Variants in CNBD2 observed in about 807,000 individuals in gnomAD.
CNBD2 encodes the protein cyclic nucleotide binding domain containing 2.
CNBD2 carries 64 observed loss-of-function variants against 63.7 expected under a neutral mutation model. That is an observed-to-expected ratio of 1.00 (90% confidence interval 0.82 to 1.24). The LOEUF (loss-of-function observed/expected upper bound fraction) is 1.24, where lower values mean the gene tolerates loss of function less well. CNBD2 is among the 50% of genes most tolerant of loss of function. The probability of loss-of-function intolerance (pLI) is 0.00; values close to 1 mark genes in which losing one functional copy is unlikely to be tolerated. For synonymous variants in CNBD2, 229 were observed against 255.4 expected (o/e 0.90, Z 0.99); for missense variants, 691 against 713.5 (o/e 0.97, Z 0.36).
intron 7 of CNBD2, 103 bp downstream of exon 7, chr20:35,987,636 T>C (rs1568878473): frequency 1.5e-6 from 2 of 1,322,706 alleles, no homozygotes; most frequent in Non-Finnish European, 2.1e-6. Context: ...TTCTGCAACC[T>C]GTGCAATTCA....
In CNBD2 at chr20:36,027,285, G is replaced by A. The variant is rs2057293548; in HGVS notation, c.1440-3072G>A. ...GTGATTCCAATGGTAGAGAAAGGGG[G>A]TATGAAGGCAGACAGAGCTGCAGGT... On this transcript the variant is annotated intron_variant, in intron 11 of 11. Transcript: ENST00000373973. Among the ~76,000 whole-genome samples, 3 of 152,328 alleles carry A rather than the reference G, an allele frequency of 2.0e-5. No individual in the cohort carries two copies. In the South Asian group the frequency reaches 6.2e-4, roughly 32 times the overall value.
In CNBD2 at chr20:35,987,456, A is replaced by C; in HGVS notation, c.778A>C (p.Lys260Gln). Residue 260 changes from lysine to glutamine, a missense_variant, in exon 7 of 12, where the codon AAG (lysine) becomes CAG (glutamine). Coordinates refer to ENST00000373973, the MANE Select transcript of CNBD2 (RefSeq NM_001365709.1). ...GCTCTGGCAGCTGGTAGCCATGGCG[A>C]AGATAGAGAGGTTCTCGTATGGGCA... ...EKLWQLVAMA[K>Q]IERFSYGQLI... 1 of 1,614,180 alleles carries C rather than the reference A, an allele frequency of 6.2e-7. No individual in the cohort carries two copies. Among genetic ancestry groups the C allele is most frequent in the South Asian group, 1.1e-5 (1 of 91,074 alleles).
intron 6 of CNBD2, 45 bp from the exon 7 acceptor site, chr20:35,987,350 C>T (rs2056681530): frequency 1.2e-6 from 2 of 1,610,986 alleles, no homozygotes; most frequent in East Asian, 2.2e-5. Context: ...GGTCTGGGCA[C>T]CTTGTGTGAT....
intron 10 of CNBD2, among the ~76,000 whole-genome samples, chr20:36,014,052 A>G (rs1379544724): frequency 6.6e-5 from 10 of 151,648 alleles, no homozygotes; most frequent in Admixed American, 2.6e-4. Context: ...GCGTGGTGGC[A>G]GGCACCTGTA....
chr20:35,987,534 G>A lies in CNBD2; in HGVS notation c.855+1G>A. ...ACCCTTCATCATGTTTATCAGCAAG[G>A]TGAAAAGTCTGGGGGTTGGGATGAG... On this transcript the variant is annotated splice_donor_variant, in intron 7 of 11. Coordinates refer to ENST00000373973, the MANE Select transcript of CNBD2 (RefSeq NM_001365709.1). LOFTEE classifies it high-confidence loss of function. 2.5e-6 allele frequency: 4 copies of A among 1,614,158 alleles called. No individual in the cohort carries two copies. The highest frequency in any genetic ancestry group is 3.4e-6 in the Non-Finnish European group (4 of 1,180,016).
At position 36,029,888 on chromosome 20, in the gene CNBD2, G is replaced by A. The variant is rs116647782; in HGVS notation, c.1440-469G>A. On this transcript the variant is annotated intron_variant, in intron 11 of 11. Transcript: ENST00000373973. Reference sequence around the variant, plus strand: ...CGCACTTACTATGAGGTGAGGGGGAGGGCAGAGCCAGACCACCATGGCCAG... The same window carrying A: ...CGCACTTACTATGAGGTGAGGGGGAAGGCAGAGCCAGACCACCATGGCCAG... 4.3e-3 allele frequency among the ~76,000 whole-genome samples: 660 copies of A among 151,998 alleles called. 5 individuals carry two copies. The highest frequency in any genetic ancestry group is 0.016 in the African/African-American group (643 of 41,464).
At chr20:35,975,512 G>A (rs2056502267) in intron 2 of CNBD2, among the ~76,000 whole-genome samples, 2 of 148,052 alleles carry the variant, frequency 1.4e-5, no homozygotes, top group South Asian at 2.2e-4. Flanking sequence ...TTGTTAGCCA[G>A]GATGGTCTCG....
At chr20:35,995,484 T>A (rs2056813197) in intron 8 of CNBD2, among the ~76,000 whole-genome samples, 1 of 152,360 alleles carries the variant, frequency 6.6e-6, no homozygotes, top group Non-Finnish European at 1.5e-5. Context: ...TGGATTTGCC[T>A]GTGATGGACT....
chr20:35,999,677 T>G (rs1601065072), intron 8 of CNBD2, among the ~76,000 whole-genome samples: 1 of 144,016 alleles, frequency 6.9e-6, no homozygotes, highest in Middle Eastern at 3.6e-3. Flanking sequence ...AACAAGTATC[T>G]TCTTTTTTTT....
intron 3 of CNBD2, among the ~76,000 whole-genome samples, chr20:35,978,377 C>T (rs1488847911): frequency 6.7e-6 from 1 of 149,448 alleles, no homozygotes; most frequent in Admixed American, 6.7e-5. Context: ...CGGAGTCGAG[C>T]TCTGTCTCCC....
At chr20:35,990,240 T>C (rs933293172) in intron 7 of CNBD2, among the ~76,000 whole-genome samples, 3 of 152,164 alleles carry the variant, frequency 2.0e-5, no homozygotes, top group African/African-American at 7.2e-5. Flanking sequence ...AGGAAAGTGA[T>C]AAAAGAAAAT....
chr20:36,026,431 G>A (rs1269714069), intron 11 of CNBD2, among the ~76,000 whole-genome samples: 3 of 152,058 alleles, frequency 2.0e-5, no homozygotes, highest in Non-Finnish European at 4.4e-5. Context: ...TCTGCACACT[G>A]TGTTCTTGTT....
At chr20:35,966,714 G>A (rs540524759), upstream of CNBD2, among the ~76,000 whole-genome samples, 39 of 152,142 alleles carry the variant, frequency 2.6e-4, no homozygotes, top group South Asian at 7.1e-3. Context: ...ACGTTCCAGG[G>A]CCTCCAAGTT....
chr20:35,992,764 C>G (rs1445445807), intron 7 of CNBD2, among the ~76,000 whole-genome samples: 1 of 151,266 alleles, frequency 6.6e-6, no homozygotes, highest in African/African-American at 2.4e-5. Context: ...CCCCCCGACC[C>G]TGGTTGGAAA....
intron 8 of CNBD2, among the ~76,000 whole-genome samples, chr20:35,999,326 A>G (rs2056866755): frequency 6.6e-6 from 1 of 152,086 alleles, no homozygotes; most frequent in Admixed American, 6.6e-5. Context: ...ATTTGACTCT[A>G]CCATCTTGCT....
chr20:35,981,605 T>C (rs1172976450), intron 4 of CNBD2, among the ~76,000 whole-genome samples: 1 of 151,994 alleles, frequency 6.6e-6, no homozygotes, highest in Non-Finnish European at 1.5e-5. Flanking sequence ...CTGGCTAATT[T>C]TACTTTTTAT....
intron 10 of CNBD2, among the ~76,000 whole-genome samples, chr20:36,021,880 T>C (rs1395444371): frequency 6.6e-6 from 1 of 152,036 alleles, no homozygotes; most frequent in Non-Finnish European, 1.5e-5. Flanking sequence ...GGAGGGCAGC[T>C]GGAGAGAGGA....
chr20:35,989,530 T>A (rs957341859), intron 7 of CNBD2, among the ~76,000 whole-genome samples: 2 of 151,724 alleles, frequency 1.3e-5, no homozygotes, highest in Admixed American at 6.6e-5. Flanking sequence ...CTGGAGGAGG[T>A]GAGGTGGGAG....
intron 11 of CNBD2, 43 bp downstream of exon 11, chr20:36,023,814 A>G (rs1208135539): frequency 6.8e-7 from 1 of 1,479,032 alleles, no homozygotes. Context: ...GGTGAAATGA[A>G]CAATTTTTCA....
Sources: allele counts gnomAD v4.1 joint callset (sites outside exome capture counted in the v4.1 genomes callset), GRCh38; gene constraint gnomAD v4.1.1; transcripts MANE v1.5; gene names NCBI Gene and HGNC (gene_info 2026-07-23, HGNC 2026-07-21).